Variants in SLC5A11 observed in about 807,000 individuals in gnomAD.
SLC5A11 encodes sodium/myo-inositol cotransporter 2.
In SLC5A11, 48 loss-of-function variants were observed where a neutral mutation model predicts 69.8. The observed-to-expected ratio is 0.69, with a 90% CI of 0.55 to 0.87. The LOEUF is 0.87. Among genes scored for constraint, SLC5A11 ranks in the 40% least tolerant of loss-of-function variants. The pLI is 0.00. For missense variants in SLC5A11, 784 were observed against 866.1 expected, an observed-to-expected ratio of 0.91 and a Z score of 1.19; for synonymous variants, 319 against 342.4, an observed-to-expected ratio of 0.93 and a Z score of 0.75.
At chr16:24,862,766 C>A (rs1213707058) in intron 3 of SLC5A11, 94 bp downstream of exon 4, 2 of 1,127,174 alleles carry the variant, frequency 1.8e-6, no homozygotes, top group Non-Finnish European at 2.6e-6. Context: ...ACTCTCTGGT[C>A]TCATGTCGTT....
chr16:24,864,393 G>T (rs928139136), intron 3 of SLC5A11, among the ~76,000 whole-genome samples: 2 of 152,240 alleles, frequency 1.3e-5, no homozygotes, highest in East Asian at 1.9e-4. Context: ...GATTTTGGTG[G>T]CCACACATGA....
At chr16:24,868,379 A>G (rs1158748749) in intron 3 of SLC5A11, among the ~76,000 whole-genome samples, 1 of 151,094 alleles carries the variant, frequency 6.6e-6, no homozygotes, top group African/African-American at 2.4e-5. Context: ...TCACGAGGTC[A>G]GGAGACCCAG....
At chr16:24,859,025 A>G (rs567938408) in intron 2 of SLC5A11, among the ~76,000 whole-genome samples, 1 of 152,348 alleles carries the variant, frequency 6.6e-6, no homozygotes, top group East Asian at 1.9e-4. Context: ...TGTGAGAAAG[A>G]TGCTGTTACA....
chr16:24,863,871 T>C lies in SLC5A11; in HGVS notation c.207+1199T>C, dbSNP rs937141218. 3.9e-5 allele frequency among the ~76,000 whole-genome samples: 6 copies of C among 152,296 alleles called. 1 individual carries two copies. The highest frequency in any genetic ancestry group is 1.3e-4 in the Admixed American group (2 of 15,288). On this transcript the variant is annotated intron_variant, in intron 3 of 15. Transcript: ENST00000347898. ...AGAGGTCAGAATGGGATTAGAACTC[T>C]TTCAAAACTCCATTCTCTAAAAAAG...
intron 1 of SLC5A11, among the ~76,000 whole-genome samples, chr16:24,857,796 A>G (rs948360665): frequency 3.9e-5 from 6 of 152,216 alleles, no homozygotes; most frequent in African/African-American, 1.4e-4. Flanking sequence ...CCTTAATTTT[A>G]TCTGCAAACT....
intron 2 of SLC5A11, among the ~76,000 whole-genome samples, chr16:24,860,048 G>A (rs1376699388): frequency 6.6e-6 from 1 of 152,206 alleles, no homozygotes; most frequent in Non-Finnish European, 1.5e-5. Context: ...CACTTTGGGA[G>A]GCAGAGGTGG....
chr16:24,908,463 G>A (rs113356361), intron 13 of SLC5A11, among the ~76,000 whole-genome samples: 2,315 of 151,956 alleles, frequency 0.015, 68 homozygotes, highest in African/African-American at 0.053. Flanking sequence ...GCCGGGTGTG[G>A]TGGTGGGCGC....
intron 9 of SLC5A11, among the ~76,000 whole-genome samples, chr16:24,896,386 T>C (rs1427277584): frequency 6.6e-6 from 1 of 151,974 alleles, no homozygotes; most frequent in Non-Finnish European, 1.5e-5. Context: ...TCTCAGCTAC[T>C]TGAAAGACTG....
chr16:24,869,804 C>A (rs1159579470), intron 3 of SLC5A11, 97 bp from the exon 5 acceptor site: 6 of 847,568 alleles, frequency 7.1e-6, no homozygotes, highest in Middle Eastern at 3.0e-4. Flanking sequence ...TCCTCTACTT[C>A]TCTTCTCTGT....
intron 13 of SLC5A11, 21 bp downstream of exon 14, chr16:24,908,152 C>T (rs770879926): frequency 2.6e-5 from 41 of 1,554,236 alleles, no homozygotes; most frequent in Non-Finnish European, 3.5e-5. Flanking sequence ...ATGGCTCCCA[C>T]TATGCCAGAA....
exon 16 of SLC5A11, chr16:24,911,591 T>G: frequency 1.3e-6 from 2 of 1,534,240 alleles, no homozygotes; most frequent in South Asian, 2.3e-5. Context: ...ATTTTTTTAA[T>G]GAAAGAAAAA....
At chr16:24,887,532 T>C (rs944724106) in intron 8 of SLC5A11, among the ~76,000 whole-genome samples, 6 of 152,068 alleles carry the variant, frequency 3.9e-5, no homozygotes, top group Non-Finnish European at 8.8e-5. Context: ...ATGTAGGAAA[T>C]ATGTGTGCAT....
chr16:24,870,495 G>A lies in SLC5A11; in HGVS notation c.312+490G>A, dbSNP rs72770457. 2.9e-3 allele frequency among the ~76,000 whole-genome samples: 423 copies of A among 147,000 alleles called. 4 individuals are homozygous for A. The highest frequency in any genetic ancestry group is 3.2e-3 in the Non-Finnish European group (212 of 66,382). ...CAAAAAACACAAAAAAAAAACAATA[G>A]TGGGTTGGGCGCGATGGCTCAGGCC... On this transcript the variant is annotated intron_variant, in intron 4 of 15. Transcript: ENST00000347898.
chr16:24,888,200 A>AC (rs1359535302), intron 8 of SLC5A11, among the ~76,000 whole-genome samples: 52 of 152,280 alleles, frequency 3.4e-4, no homozygotes, highest in South Asian at 1.2e-3. Context: ...ATACACCCCA[A>AC]AAATTAAACT....
At chr16:24,877,884 C>T (rs1166226168) in intron 7 of SLC5A11, among the ~76,000 whole-genome samples, 4 of 152,152 alleles carry the variant, frequency 2.6e-5, no homozygotes, top group Non-Finnish European at 5.9e-5. Context: ...CTCAGGAGGC[C>T]GAGGCAGGAG....
chr16:24,873,129 C>G (rs2047421749), intron 5 of SLC5A11, among the ~76,000 whole-genome samples: 1 of 133,314 alleles, frequency 7.5e-6, no homozygotes, highest in Admixed American at 8.3e-5. Flanking sequence ...CAGAGTGGGA[C>G]TCCGTCAGAA....
intron 2 of SLC5A11, among the ~76,000 whole-genome samples, chr16:24,860,808 C>A (rs985109970): frequency 1.3e-5 from 2 of 152,086 alleles, no homozygotes; most frequent in Non-Finnish European, 2.9e-5. Flanking sequence ...CAGGTTCATG[C>A]CATTCTCCTG....
At position 24,906,652 on chromosome 16, in the gene SLC5A11, C is replaced by T. The variant is rs111862533; in HGVS notation, c.1007-5C>T. On this transcript the variant is annotated splice_region_variant and splice_polypyrimidine_tract_variant and intron_variant, in intron 10 of 15. Transcript: ENST00000347898. ...CTCACCTCTGGGCCTGTGTTTCCTT[C>T]GTAGATCAAGTGGCCTGTGCAGATC... The T allele has an allele frequency of 1.1e-5, 17 of 1,598,398 alleles. No homozygotes were observed. Among genetic ancestry groups the T allele is most frequent in the African/African-American group, 9.4e-5 (7 of 74,670 alleles).
chr16:24,870,464 C>CACACACACACAA, intron 4 of SLC5A11, among the ~76,000 whole-genome samples: 1 of 149,622 alleles, frequency 6.7e-6, no homozygotes, highest in Non-Finnish European at 1.5e-5. Flanking sequence ...CACACACACA[C>CACACACACACAA]AAACCCAAAA....
Sources: allele counts gnomAD v4.1 joint callset (sites outside exome capture counted in the v4.1 genomes callset), GRCh38; gene constraint gnomAD v4.1.1; transcripts MANE v1.5; gene names NCBI Gene and HGNC (gene_info 2026-07-23, HGNC 2026-07-21).